HIBADH: variants seen among roughly 807,000 people sequenced by gnomAD.
The protein encoded by HIBADH is 3-hydroxyisobutyrate dehydrogenase, also known as 3-hydroxyisobutyrate dehydrogenase, mitochondrial.
In HIBADH, 25 loss-of-function variants were observed where a neutral mutation model predicts 36.1. The observed-to-expected ratio is 0.69, with a 90% confidence interval of 0.50 to 0.97. HIBADH has a LOEUF of 0.97. HIBADH is among the 50% of genes least tolerant of loss of function. HIBADH has a pLI of 0.00. For missense variants in HIBADH, 421 were observed against 418.0 expected (o/e 1.01, Z -0.06); for synonymous variants, 160 against 149.5 (o/e 1.07, Z -0.51).
intron 4 of HIBADH, among the ~76,000 whole-genome samples, chr7:27,553,007 A>G (rs1185837912): frequency 6.6e-6 from 1 of 152,238 alleles, no homozygotes; most frequent in Non-Finnish European, 1.5e-5. Flanking sequence ...TAGAAGAGAT[A>G]CCTATATACG....
intron 1 of HIBADH, among the ~76,000 whole-genome samples, chr7:27,662,029 G>A (rs1015767864): frequency 1.3e-5 from 2 of 152,166 alleles, no homozygotes; most frequent in African/African-American, 4.8e-5. Context: ...CATGGTATGA[G>A]AGGAGGGAGG....
intron 5 of HIBADH, among the ~76,000 whole-genome samples, chr7:27,539,441 G>A (rs1041040038): frequency 2.0e-5 from 3 of 152,046 alleles, no homozygotes; most frequent in Non-Finnish European, 4.4e-5. Flanking sequence ...TAGTGACCAG[G>A]ATAAAAGCAT....
rs911426815 is a variant in HIBADH, at chr7:27,629,244, T to C, written c.484+127A>G. On this transcript the variant is annotated intron_variant, in intron 4 of 7. Coordinates refer to ENST00000265395, the MANE Select transcript of HIBADH (RefSeq NM_152740.4). ...ACTAAATAACGTATCAGTTTGGCTT[T>C]ATTTTTAATGAGAATCCTGTAACAA... The C allele has an allele frequency of 4.3e-6, 4 of 921,844 alleles. No individual in the cohort carries two copies. The South Asian group carries it at 9.0e-5, about 21-fold the overall frequency. 57.1% of individuals were successfully genotyped at this position (921,844 alleles called of 1,614,324 possible).
At chr7:27,649,151 C>T (rs547395985) in intron 2 of HIBADH, 104 of 188,580 alleles carry the variant, frequency 5.5e-4, no homozygotes, top group South Asian at 3.4e-4. Context: ...GAGGTTATTT[C>T]CACCAAACTA....
chr7:27,614,344 G>A (rs1686792685), intron 4 of HIBADH, among the ~76,000 whole-genome samples: 1 of 152,146 alleles, frequency 6.6e-6, no homozygotes, highest in African/African-American at 2.4e-5. Context: ...TGTAGAGGCA[G>A]TTAGCTTACA....
At chr7:27,555,302 C>T (rs1002307252) in intron 4 of HIBADH, among the ~76,000 whole-genome samples, 3 of 127,404 alleles carry the variant, frequency 2.4e-5, no homozygotes, top group Admixed American at 8.0e-5. Flanking sequence ...TCTTGCTCTA[C>T]TTTTTTTTTT....
intron 1 of HIBADH, among the ~76,000 whole-genome samples, chr7:27,653,028 G>A (rs1786225246): frequency 6.6e-6 from 1 of 151,998 alleles, no homozygotes; most frequent in Non-Finnish European, 1.5e-5. Flanking sequence ...ACTCAGGAGG[G>A]TGAGGCAGGA....
intron 1 of HIBADH, among the ~76,000 whole-genome samples, chr7:27,654,089 A>G (rs1346735841): frequency 6.6e-6 from 1 of 152,230 alleles, no homozygotes; most frequent in Non-Finnish European, 1.5e-5. Flanking sequence ...ATCTACTACT[A>G]AAATATGTGA....
At chr7:27,655,029 A>G (rs768407283) in intron 1 of HIBADH, among the ~76,000 whole-genome samples, 3 of 152,190 alleles carry the variant, frequency 2.0e-5, no homozygotes, top group Non-Finnish European at 4.4e-5. Context: ...GCTTATATAC[A>G]TCAAAACTAA....
rs755307559 is a variant in HIBADH at position 27,538,416 on chromosome 7, G to A, written c.620C>T (p.Ala207Val). Reference sequence around the variant, plus strand: ...CAGCATGTTGTTGCAGATCTTTGCCGCCTGAAAATAAATTGAGTACATATT... The same window carrying A: ...CAGCATGTTGTTGCAGATCTTTGCCACCTGAAAATAAATTGAGTACATATT... The part of the protein sequence containing the change: ...VYCGAVGTGQ[A>V]AKICNNMLLA... The change falls in exon 6 of 8, where the codon GCG becomes GTG. Residue 207 changes from alanine (A) to valine (V), a missense_variant and splice_region_variant. Ala to Val is a moderately conservative substitution (Grantham distance 64). Transcript: ENST00000265395. 25 of 1,611,574 alleles carry A rather than the reference G, an allele frequency of 1.6e-5. No homozygotes were observed. The highest frequency in any genetic ancestry group is 1.1e-4 in the African/African-American group (8 of 74,832).
At chr7:27,645,954 G>C (rs953540775) in intron 2 of HIBADH, among the ~76,000 whole-genome samples, 4 of 152,012 alleles carry the variant, frequency 2.6e-5, no homozygotes, top group African/African-American at 7.3e-5. Context: ...TTTTAATTTT[G>C]ATAAAGTCCA....
intron 4 of HIBADH, among the ~76,000 whole-genome samples, chr7:27,551,040 TTAAC>T (rs1272899614): frequency 3.3e-5 from 5 of 152,154 alleles, no homozygotes; most frequent in Non-Finnish European, 7.4e-5. Flanking sequence ...TGTGAGGTAA[TTAAC>T]TAGCTCAGTT....
At chr7:27,620,284 C>A (rs1276498213) in intron 4 of HIBADH, among the ~76,000 whole-genome samples, 1 of 152,072 alleles carries the variant, frequency 6.6e-6, no homozygotes, top group African/African-American at 2.4e-5. Context: ...CACACCACTG[C>A]ACTCCAGCCT....
intron 2 of HIBADH, among the ~76,000 whole-genome samples, chr7:27,638,308 C>CAAAA (rs368715218): frequency 0.22 from 12,351 of 55,018 alleles, 1,574 homozygotes; most frequent in East Asian, 0.37. Flanking sequence ...TTGGCAAAGT[C>CAAAA]AAAAAAAAAA....
intron 4 of HIBADH, among the ~76,000 whole-genome samples, chr7:27,590,710 G>A (rs1784926434): frequency 6.6e-6 from 1 of 152,132 alleles, no homozygotes; most frequent in Admixed American, 6.5e-5. Context: ...TCCCGTCATA[G>A]TCCCAGATAA....
intron 4 of HIBADH, among the ~76,000 whole-genome samples, chr7:27,605,521 C>G (rs1452859517): frequency 6.9e-5 from 5 of 72,676 alleles, no homozygotes; most frequent in Admixed American, 2.2e-4. Flanking sequence ...TGGTGGGGGG[C>G]GGGGATTTGA....
intron 4 of HIBADH, among the ~76,000 whole-genome samples, chr7:27,588,538 C>CCATGCTGTTCTCTAACTCCTGGCCT (rs1156810057): frequency 4.6e-5 from 7 of 151,618 alleles, no homozygotes; most frequent in Middle Eastern, 3.4e-3. Flanking sequence ...GCTGTGTTGC[C>CCATGCTGTTCTCTAACTCCTGGCCT]CATGCTGTTC....
intron 7 of HIBADH, among the ~76,000 whole-genome samples, chr7:27,530,796 C>T (rs536337060): frequency 1.3e-5 from 2 of 152,130 alleles, no homozygotes; most frequent in African/African-American, 4.8e-5. Flanking sequence ...ATCCTCTCTT[C>T]GTGATGCATA....
intron 4 of HIBADH, among the ~76,000 whole-genome samples, chr7:27,600,042 G>A (rs2128290150): frequency 6.6e-6 from 1 of 152,074 alleles, no homozygotes; most frequent in East Asian, 1.9e-4. Flanking sequence ...GTTTTGACGG[G>A]GTCAGGGAGT....
Sources: allele counts gnomAD v4.1 joint callset (sites outside exome capture counted in the v4.1 genomes callset), GRCh38; gene constraint gnomAD v4.1.1; transcripts MANE v1.5; gene names NCBI Gene and HGNC (gene_info 2026-07-23, HGNC 2026-07-21).